Variants in GPR39 observed in about 807,000 individuals in gnomAD.
GPR39 encodes G protein-coupled receptor 39, also known as zinc sensing receptor.
GPR39 carries 23 observed loss-of-function variants against 18.4 expected under a neutral mutation model. The observed-to-expected ratio is 1.25, with a 90% CI of 0.90 to 1.77. The LOEUF (loss-of-function observed/expected upper bound fraction) is 1.77, where lower values mean the gene tolerates loss of function less well. Ranked by LOEUF, GPR39 falls within the 40% of genes most tolerant of loss-of-function variation. GPR39 has a pLI of 0.00. For missense variants in GPR39, 647 were observed against 602.4 expected, an observed-to-expected ratio of 1.07 and a Z score of -0.78; for synonymous variants, 280 against 257.9, an observed-to-expected ratio of 1.09 and a Z score of -0.82.
chr2:132,629,908 T>A (rs915221891), intron 1 of GPR39, among the ~76,000 whole-genome samples: 2 of 152,166 alleles, frequency 1.3e-5, no homozygotes, highest in African/African-American at 4.8e-5. Context: ...AGTTCCCAGT[T>A]TTCAGGCTGC....
chr2:132,611,686 T>C (rs1427766389), intron 1 of GPR39, among the ~76,000 whole-genome samples: 2 of 152,040 alleles, frequency 1.3e-5, no homozygotes, highest in African/African-American at 2.4e-5. Flanking sequence ...AGAAACTTTA[T>C]CTGGTAATGC....
chr2:132,616,287 G>C (rs138965299), intron 1 of GPR39, among the ~76,000 whole-genome samples: 1 of 152,112 alleles, frequency 6.6e-6, no homozygotes, highest in Non-Finnish European at 1.5e-5. Context: ...ACCAGTGAGA[G>C]GCAGAGCCAG....
intron 1 of GPR39, among the ~76,000 whole-genome samples, chr2:132,483,021 T>C (rs1681263827): frequency 6.6e-6 from 1 of 152,198 alleles, no homozygotes; most frequent in Non-Finnish European, 1.5e-5. Context: ...GAGAGCCAGA[T>C]TGCCTGAGTT....
chr2:132,481,519 T>G (rs1199369553), intron 1 of GPR39, among the ~76,000 whole-genome samples: 1 of 152,220 alleles, frequency 6.6e-6, no homozygotes, highest in Non-Finnish European at 1.5e-5. Flanking sequence ...TGGGATGCAA[T>G]TTTAAGGTCA....
chr2:132,574,736 A>G (rs1180536940), intron 1 of GPR39, among the ~76,000 whole-genome samples: 3 of 152,236 alleles, frequency 2.0e-5, no homozygotes, highest in Admixed American at 1.3e-4. Flanking sequence ...CTTTGTCGCT[A>G]AATGAATAAA....
intron 1 of GPR39, among the ~76,000 whole-genome samples, chr2:132,470,542 G>C (rs1681010189): frequency 6.6e-6 from 1 of 152,134 alleles, no homozygotes; most frequent in African/African-American, 2.4e-5. Context: ...AAAGTGCTCT[G>C]TTGGCCGCTG....
At chr2:132,423,267 T>C (rs1292188169) in intron 1 of GPR39, among the ~76,000 whole-genome samples, 1 of 150,330 alleles carries the variant, frequency 6.7e-6, no homozygotes, top group Admixed American at 6.6e-5. Context: ...GTCTTCTCAT[T>C]GTGTCCTGAC....
rs143676740 is a variant in GPR39, at chr2:132,446,557, A to G, written c.856+28659A>G. ...GCATTGTGGAATTGACAGCTTGGTGACGCTAGAATTCCTCTTAGAGAAAGA... is the reference window on the plus strand; with the variant it reads ...GCATTGTGGAATTGACAGCTTGGTGGCGCTAGAATTCCTCTTAGAGAAAGA... On this transcript the variant is annotated intron_variant, in intron 1 of 1. Coordinates refer to ENST00000329321, the MANE Select transcript of GPR39 (RefSeq NM_001508.3). Among the ~76,000 whole-genome samples, 239 of 152,330 alleles carry G rather than the reference A, an allele frequency of 1.6e-3. 3 individuals are homozygous for G. Among genetic ancestry groups the G allele is most frequent in the African/African-American group, 5.7e-3 (235 of 41,574 alleles).
chr2:132,489,184 C>A, intron 1 of GPR39: 1 of 227,610 alleles, frequency 4.4e-6, no homozygotes. Flanking sequence ...TACACAAATG[C>A]ATCTTCCTCG....
chr2:132,645,248 T>A lies in GPR39; in HGVS notation c.1004T>A (p.Leu335His), dbSNP rs747057923. ...LLPFSETFFY[L>H]SSVINPLLYT... The stretch of plus-strand genomic sequence containing the variant: ...CCCTTCTCGGAGACGTTTTTCTACC[T>A]CAGCTCGGTCATCAACCCGCTCCTG... The change falls in exon 2 of 2, where the codon CTC becomes CAC. Residue 335 changes from leucine (L) to histidine (H), a missense_variant. Transcript: ENST00000329321. 6.2e-7 allele frequency: 1 copy of A among 1,614,132 alleles called. No homozygotes were observed. Among genetic ancestry groups the A allele is most frequent in the South Asian group, 1.1e-5 (1 of 91,068 alleles).
rs1015442515 is a variant in GPR39 at position 132,597,848 on chromosome 2, G to A, written c.857-47253G>A. ...TTGACCCACTAGGCAGAAATTCAAAGTCCAGGAGAGAGAATCTGCTTGCCC... is the reference window on the plus strand; with the variant it reads ...TTGACCCACTAGGCAGAAATTCAAAATCCAGGAGAGAGAATCTGCTTGCCC... On this transcript the variant is annotated intron_variant, in intron 1 of 1. Coordinates refer to ENST00000329321, the MANE Select transcript of GPR39 (RefSeq NM_001508.3). 6.6e-5 allele frequency among the ~76,000 whole-genome samples: 10 copies of A among 152,200 alleles called. No individual in the cohort carries two copies. The South Asian group carries it at 1.9e-3, about 28-fold the overall frequency.
At chr2:132,599,893 C>T (rs1418165488) in intron 1 of GPR39, among the ~76,000 whole-genome samples, 1 of 152,112 alleles carries the variant, frequency 6.6e-6, no homozygotes, top group African/African-American at 2.4e-5. Flanking sequence ...CATTTGGAGT[C>T]CCTCTTAATA....
At chr2:132,437,422 A>G (rs1417325602) in intron 1 of GPR39, among the ~76,000 whole-genome samples, 1 of 152,100 alleles carries the variant, frequency 6.6e-6, no homozygotes, top group Non-Finnish European at 1.5e-5. Context: ...AGAGACATGC[A>G]GGGAGTGTGT....
intron 1 of GPR39, among the ~76,000 whole-genome samples, chr2:132,517,092 TGAA>T (rs1407553942): frequency 1.3e-5 from 2 of 152,134 alleles, no homozygotes; most frequent in African/African-American, 4.8e-5. Flanking sequence ...GGTTTTGGTA[TGAA>T]GAAGTTTTCA....
chr2:132,558,721 T>C (rs76783644), intron 1 of GPR39, among the ~76,000 whole-genome samples: 2,617 of 152,274 alleles, frequency 0.017, 93 homozygotes, highest in African/African-American at 0.06. Context: ...TGGAAGGTTA[T>C]TTTTATAGTA....
chr2:132,482,386 A>C (rs1441152363), intron 1 of GPR39, among the ~76,000 whole-genome samples: 2 of 152,000 alleles, frequency 1.3e-5, no homozygotes, highest in Non-Finnish European at 1.5e-5. Flanking sequence ...TCCTCCCCCA[A>C]ATCCAGAATT....
intron 1 of GPR39, among the ~76,000 whole-genome samples, chr2:132,467,880 C>T (rs189586036): frequency 2.2e-4 from 33 of 152,288 alleles, no homozygotes; most frequent in Non-Finnish European, 1.5e-5. Flanking sequence ...TCTGCTTCCA[C>T]TTTTCAGAAG....
At chr2:132,545,631 T>A (rs958505574) in intron 1 of GPR39, among the ~76,000 whole-genome samples, 1 of 147,400 alleles carries the variant, frequency 6.8e-6, no homozygotes, top group African/African-American at 2.6e-5. Context: ...TAAAACCATC[T>A]TATAATCCAC....
intron 1 of GPR39, among the ~76,000 whole-genome samples, chr2:132,597,126 A>G (rs1680962665): frequency 6.6e-6 from 1 of 152,096 alleles, no homozygotes; most frequent in Non-Finnish European, 1.5e-5. Context: ...GATCTAAGCT[A>G]CCCTAAATGC....
Sources: gnomAD v4.1 joint callset for allele counts (sites outside exome capture counted in the v4.1 genomes callset) on GRCh38, gnomAD v4.1.1 for gene constraint, MANE v1.5 for transcripts, NCBI Gene and HGNC (gene_info 2026-07-23, HGNC 2026-07-21) for gene names.